The following BRF1 variants were observed in gnomAD, a reference collection of about 807,000 sequenced individuals.
BRF1 encodes transcription factor IIIB 90 kDa subunit.
Under a neutral mutation model 81.7 loss-of-function variants are expected in BRF1, and 59 were observed. The observed-to-expected ratio is 0.72, with a 90% CI of 0.59 to 0.90. BRF1 has a LOEUF of 0.90. BRF1 is among the 40% of genes least tolerant of loss of function. The pLI, the probability that BRF1 is intolerant of heterozygous loss-of-function variation, is 0.00. For missense variants in BRF1, 1,050 were observed against 936.3 expected (o/e 1.12, Z -1.58); for synonymous variants, 491 against 395.6 (o/e 1.24, Z -2.86).
At chr14:105,286,179 G>A in intron 2 of BRF1, 117 bp downstream of exon 2, 1 of 1,160,790 alleles carries the variant, frequency 8.6e-7, no homozygotes, top group East Asian at 2.6e-5. Flanking sequence ...CGTGCAGGGT[G>A]ACGAGGAAGT....
chr14:105,228,764 A>G, intron 7 of BRF1, 56 bp downstream of exon 7: 6 of 1,596,406 alleles, frequency 3.8e-6, no homozygotes, highest in Non-Finnish European at 5.1e-6. Context: ...AGCAGGCCTG[A>G]GCTGGACTGA....
intron 1 of BRF1, among the ~76,000 whole-genome samples, chr14:105,310,009 C>T (rs1212725679): frequency 6.6e-6 from 1 of 151,542 alleles, no homozygotes; most frequent in East Asian, 2.0e-4. Context: ...TAGTTTTGAA[C>T]TCCTGACCTG....
intron 5 of BRF1, chr14:105,248,557 G>GCGGGTACGGGTA (rs1461651451): frequency 8.7e-6 from 8 of 920,566 alleles, no homozygotes; most frequent in East Asian, 1.4e-4. Context: ...CGGCGCCGCG[G>GCGGGTACGGGTA]CGGGTACGGG....
chr14:105,289,689 G>T (rs2057444651), intron 1 of BRF1, among the ~76,000 whole-genome samples: 1 of 152,162 alleles, frequency 6.6e-6, no homozygotes, highest in Non-Finnish European at 1.5e-5. Context: ...AGGCTGGAGT[G>T]TAGTGGTGCG....
chr14:105,278,851 T>C (rs1178885364), intron 2 of BRF1, among the ~76,000 whole-genome samples: 2 of 152,142 alleles, frequency 1.3e-5, no homozygotes, highest in Non-Finnish European at 2.9e-5. Flanking sequence ...GAGACCATCC[T>C]GACCAACATG....
chr14:105,229,558 C>G (rs949391984), intron 6 of BRF1, among the ~76,000 whole-genome samples: 2 of 152,206 alleles, frequency 1.3e-5, no homozygotes, highest in Non-Finnish European at 2.9e-5. Context: ...CACCCACCAG[C>G]ACCAAGGGCA....
intron 12 of BRF1, 117 bp from the exon 13 acceptor site, chr14:105,219,349 G>A: frequency 6.5e-7 from 1 of 1,534,584 alleles, no homozygotes; most frequent in Non-Finnish European, 8.8e-7. Flanking sequence ...ACCCGGGGCA[G>A]CCTCTATTTA....
rs587666199 is a variant in BRF1, at chr14:105,264,755, T to C, written c.439+7966A>G. On this transcript the variant is annotated intron_variant, in intron 3 of 17. Transcript: ENST00000547530. ...ACTATGGAGGCTGAGGTGAGAGGATTGCTCGAGCCTGGGAGGTCAAGGCTG... is the reference window on the plus strand; with the variant it reads ...ACTATGGAGGCTGAGGTGAGAGGATCGCTCGAGCCTGGGAGGTCAAGGCTG... Among the ~76,000 whole-genome samples, 70 of 150,682 alleles carry C rather than the reference T, an allele frequency of 4.6e-4. 1 individual carries two copies. In the South Asian group the frequency reaches 0.015, roughly 31 times the overall value.
Position 105,229,494 on chromosome 14 carries a change from G to A in BRF1, c.695-581C>T, listed in dbSNP as rs150364832. Among the ~76,000 whole-genome samples the A allele has an allele frequency of 1.2e-3, 178 of 152,342 alleles. 1 individual carries two copies. Among genetic ancestry groups the A allele is most frequent in the African/African-American group, 3.8e-3 (160 of 41,582 alleles). Reference sequence around the variant, plus strand: ...CCGGATGAGGAGTGAGGGCCCTGCCGACCTGGGGCTCCAATTCCGGAGCTG... The same window carrying A: ...CCGGATGAGGAGTGAGGGCCCTGCCAACCTGGGGCTCCAATTCCGGAGCTG... On this transcript the variant is annotated intron_variant, in intron 6 of 17. Coordinates refer to ENST00000547530, the MANE Select transcript of BRF1 (RefSeq NM_001519.4).
intron 2 of BRF1, among the ~76,000 whole-genome samples, chr14:105,273,292 C>T (rs1163234211): frequency 6.6e-6 from 1 of 152,192 alleles, no homozygotes; most frequent in African/African-American, 2.4e-5. Context: ...CATGCCCCAG[C>T]GCCACCGCCT....
chr14:105,314,645 A>C (rs1459844439), intron 1 of BRF1: 5 of 140,942 alleles, frequency 3.5e-5, no homozygotes, highest in South Asian at 2.2e-4. Context: ...CGCCCAGCCA[A>C]TCGGCGGCGC....
intron 5 of BRF1, chr14:105,242,119 C>T (rs1483408691): frequency 6.6e-6 from 1 of 152,640 alleles, no homozygotes; most frequent in Admixed American, 6.5e-5. Flanking sequence ...TGCATCCATT[C>T]ATACTCACGA....
rs1158110216 is a variant in BRF1, at chr14:105,272,688, G to A, written c.439+33C>T. ...GGGAGCCAACTAAGCATCAAGATGG[G>A]GCCCTCTGGGAGGCTCTCAAACCAA... is the stretch of plus-strand genomic sequence containing the variant. On this transcript the variant is annotated intron_variant, in intron 3 of 17. Coordinates refer to ENST00000547530, the MANE Select transcript of BRF1 (RefSeq NM_001519.4). 2.6e-6 allele frequency: 4 copies of A among 1,560,988 alleles called. No individual in the cohort carries two copies. In the South Asian group the frequency reaches 4.7e-5, roughly 18 times the overall value.
In BRF1 at chr14:105,216,263, C is replaced by G. The variant is rs1045561702; in HGVS notation, c.1772+1281G>C. Among the ~76,000 whole-genome samples, 30 of 152,214 alleles carry G rather than the reference C, an allele frequency of 2.0e-4. 1 individual carries two copies. The highest frequency in any genetic ancestry group is 6.8e-4 in the African/African-American group (28 of 41,452). ...ACCCTGTCACCAGGCACCAGAATCA[C>G]CCAACTGGGACAGGACCCCCACCTC... is the stretch of plus-strand genomic sequence containing the variant. On this transcript the variant is annotated intron_variant, in intron 15 of 17. Coordinates refer to ENST00000547530, the MANE Select transcript of BRF1 (RefSeq NM_001519.4).
intron 1 of BRF1, among the ~76,000 whole-genome samples, chr14:105,292,223 G>A (rs185970131): frequency 2.6e-5 from 4 of 151,816 alleles, no homozygotes; most frequent in African/African-American, 7.2e-5. Flanking sequence ...CGCTCCTGTC[G>A]CCCAGGCTGG....
At chr14:105,229,030 G>A (rs956253536) in intron 6 of BRF1, 117 bp from the exon 7 acceptor site, 2 of 906,482 alleles carry the variant, frequency 2.2e-6, no homozygotes, top group African/African-American at 1.6e-5. Flanking sequence ...GAGAAGACGT[G>A]TCTGTGCCAG....
chr14:105,261,973 A>C (rs777212969), intron 3 of BRF1, among the ~76,000 whole-genome samples: 3 of 152,216 alleles, frequency 2.0e-5, no homozygotes, highest in Admixed American at 6.5e-5. Flanking sequence ...CCGGCAGCCA[A>C]CACCACCTGG....
At chr14:105,260,585 G>A (rs763069871) in intron 3 of BRF1, among the ~76,000 whole-genome samples, 1 of 151,778 alleles carries the variant, frequency 6.6e-6, no homozygotes, top group Middle Eastern at 3.2e-3. Context: ...CATGTTGGCC[G>A]AGCTGGTCTC....
At chr14:105,224,129 C>T (rs1031058779) in intron 10 of BRF1, among the ~76,000 whole-genome samples, 2 of 152,152 alleles carry the variant, frequency 1.3e-5, no homozygotes, top group Non-Finnish European at 2.9e-5. Context: ...CGCACTTTGG[C>T]GGGCCAAGGT....
Sources: allele counts gnomAD v4.1 joint callset (sites outside exome capture counted in the v4.1 genomes callset), GRCh38; gene constraint gnomAD v4.1.1; transcripts MANE v1.5; gene names NCBI Gene and HGNC (gene_info 2026-07-23, HGNC 2026-07-21).